Variants in PARN observed in about 807,000 individuals in gnomAD.
PARN encodes poly(A)-specific ribonuclease.
Under a neutral mutation model 102.8 loss-of-function variants are expected in PARN, and 71 were observed. The ratio of observed to expected loss-of-function variants is 0.69; its 90% CI spans 0.57 to 0.84. The LOEUF is 0.84. Among genes scored for constraint, PARN ranks in the 40% least tolerant of loss-of-function variants. PARN has a pLI of 0.00. For missense variants in PARN, 782 were observed against 760.9 expected (o/e 1.03, Z -0.33); for synonymous variants, 261 against 252.9 (o/e 1.03, Z -0.30).
chr16:14,521,363 T>A (rs184645313), intron 21 of PARN, among the ~76,000 whole-genome samples: 1 of 152,166 alleles, frequency 6.6e-6, no homozygotes, highest in Admixed American at 6.5e-5. Flanking sequence ...CGTCACCCCA[T>A]CCTCCAGCCC....
intron 18 of PARN, among the ~76,000 whole-genome samples, chr16:14,563,043 T>G (rs574171675): frequency 6.6e-6 from 1 of 152,248 alleles, no homozygotes; most frequent in South Asian, 2.1e-4. Context: ...AAGTATGATA[T>G]TCAAAAATGC....
intron 23 of PARN, among the ~76,000 whole-genome samples, chr16:14,445,295 C>T (rs934781353): frequency 6.6e-6 from 1 of 152,174 alleles, no homozygotes; most frequent in Non-Finnish European, 1.5e-5. Context: ...ATTTTTGCTA[C>T]TTGTCTGATT....
chr16:14,545,056 C>T (rs1464960358), intron 21 of PARN, among the ~76,000 whole-genome samples: 1 of 152,110 alleles, frequency 6.6e-6, no homozygotes, highest in Non-Finnish European at 1.5e-5. Flanking sequence ...GGCATCCTAG[C>T]GTGTGTCTGC....
At chr16:14,551,055 C>T (rs955132016) in intron 21 of PARN, among the ~76,000 whole-genome samples, 3 of 151,316 alleles carry the variant, frequency 2.0e-5, no homozygotes, top group Non-Finnish European at 1.5e-5. Flanking sequence ...CTCTGCCTCC[C>T]GGGTTCAAGC....
intron 18 of PARN, among the ~76,000 whole-genome samples, chr16:14,568,305 C>A (rs952824781): frequency 6.6e-6 from 1 of 151,330 alleles, no homozygotes; most frequent in Non-Finnish European, 1.5e-5. Context: ...CTCTGCCTCC[C>A]GGGTTCAAGC....
chr16:14,513,666 C>T (rs935244254), intron 21 of PARN, among the ~76,000 whole-genome samples: 3 of 152,154 alleles, frequency 2.0e-5, no homozygotes, highest in African/African-American at 7.2e-5. Context: ...TGGAACCTGT[C>T]GGCCCTTCTC....
chr16:14,543,221 T>C (rs1966852155), intron 21 of PARN, among the ~76,000 whole-genome samples: 1 of 152,018 alleles, frequency 6.6e-6, no homozygotes, highest in East Asian at 1.9e-4. Flanking sequence ...CCAGTGAAAA[T>C]ATCCTGTGTG....
intron 1 of PARN, 116 bp from the exon 2 acceptor site, chr16:14,629,790 A>G (rs1972918822): frequency 2.5e-6 from 2 of 813,198 alleles, no homozygotes; most frequent in East Asian, 4.9e-5. Flanking sequence ...AAAGTCCCGG[A>G]GGTGTGCACC....
At chr16:14,604,944 T>C (rs1971094832) in intron 10 of PARN, among the ~76,000 whole-genome samples, 1 of 150,208 alleles carries the variant, frequency 6.7e-6, no homozygotes, top group Admixed American at 6.7e-5. Flanking sequence ...AACCGCACAC[T>C]TTTTTTGTAT....
chr16:14,510,610 A>T (rs1454709889), intron 21 of PARN, among the ~76,000 whole-genome samples: 1 of 152,226 alleles, frequency 6.6e-6, no homozygotes, highest in Non-Finnish European at 1.5e-5. Flanking sequence ...AACAACAAAT[A>T]AGGAAACCCA....
At chr16:14,503,837 AAGG>A (rs1178244509) in intron 21 of PARN, among the ~76,000 whole-genome samples, 3 of 152,236 alleles carry the variant, frequency 2.0e-5, no homozygotes, top group Non-Finnish European at 4.4e-5. Flanking sequence ...CAGCTGGTAT[AAGG>A]AGAACTGGAA....
intron 18 of PARN, among the ~76,000 whole-genome samples, chr16:14,576,810 CA>C (rs2151742674): frequency 6.6e-6 from 1 of 152,270 alleles, no homozygotes; most frequent in African/African-American, 2.4e-5. Context: ...GGGAGGTGCC[CA>C]GGCCATGAAA....
At chr16:14,526,601 A>G (rs1489256348) in intron 21 of PARN, among the ~76,000 whole-genome samples, 2 of 152,236 alleles carry the variant, frequency 1.3e-5, no homozygotes, top group Non-Finnish European at 2.9e-5. Context: ...TGGTTTTCCC[A>G]AACCTCATCA....
chr16:14,451,267 A>C (rs1053014247), intron 22 of PARN, among the ~76,000 whole-genome samples: 3 of 152,138 alleles, frequency 2.0e-5, no homozygotes, highest in African/African-American at 7.2e-5. Context: ...CTCCTCCGGG[A>C]ATGTTCCCAA....
chr16:14,580,820 T>G (rs1969485041), intron 18 of PARN, 54 bp downstream of exon 18: 8 of 1,023,622 alleles, frequency 7.8e-6, no homozygotes, highest in Non-Finnish European at 1.2e-5. Context: ...TCCCAAGATA[T>G]GAGGCTGTTC....
chr16:14,613,321 A>G (rs568240889), intron 6 of PARN, among the ~76,000 whole-genome samples: 3 of 150,882 alleles, frequency 2.0e-5, no homozygotes, highest in Non-Finnish European at 3.0e-5. Flanking sequence ...AAAAAAAAAA[A>G]AAAACAAAAC....
intron 16 of PARN, among the ~76,000 whole-genome samples, chr16:14,583,911 C>G (rs762501111): frequency 2.6e-5 from 4 of 152,184 alleles, no homozygotes; most frequent in Non-Finnish European, 5.9e-5. Context: ...GAAAAGGAGG[C>G]AGGGTGGGGA....
intron 12 of PARN, among the ~76,000 whole-genome samples, chr16:14,593,852 C>G (rs2151768113): frequency 6.6e-6 from 1 of 152,080 alleles, no homozygotes; most frequent in South Asian, 2.1e-4. Context: ...GAAAAATTAG[C>G]CAGGTGCGGT....
intron 16 of PARN, 134 bp downstream of exon 16, chr16:14,584,213 G>T: frequency 1.8e-6 from 1 of 555,278 alleles, no homozygotes; most frequent in East Asian, 3.0e-5. Flanking sequence ...TTCAACACAC[G>T]GTACGTGCAA....
Sources: gnomAD v4.1 joint callset for allele counts (sites outside exome capture counted in the v4.1 genomes callset) on GRCh38, gnomAD v4.1.1 for gene constraint, MANE v1.5 for transcripts, NCBI Gene and HGNC (gene_info 2026-07-23, HGNC 2026-07-21) for gene names.